The following DPH7 variants were observed in gnomAD, a reference collection of about 807,000 sequenced individuals.
DPH7 encodes diphthine methyltransferase.
Under a neutral mutation model 41.7 loss-of-function variants are expected in DPH7, and 44 were observed. The observed-to-expected ratio is 1.05, with a 90% confidence interval of 0.83 to 1.36. The LOEUF is 1.36. Among genes scored for constraint, DPH7 ranks in the 40% most tolerant of loss-of-function variants. The pLI is 0.00. For synonymous variants in DPH7, 275 were observed against 238.0 expected (o/e 1.16, Z -1.43); for missense variants, 629 against 577.5 (o/e 1.09, Z -0.91).
At chr9:137,562,522 T>C (rs1838805391) in intron 8 of DPH7, among the ~76,000 whole-genome samples, 1 of 152,120 alleles carries the variant, frequency 6.6e-6, no homozygotes, top group South Asian at 2.1e-4. Flanking sequence ...AAAATAAAAA[T>C]ACAACATACC....
At chr9:137,564,375 G>C in intron 8 of DPH7, 59 bp downstream of exon 8, 2 of 1,559,220 alleles carry the variant, frequency 1.3e-6, no homozygotes, top group Non-Finnish European at 1.7e-6. Flanking sequence ...CCAGCAGAGC[G>C]AGGGGGCAGG....
chr9:137,570,738 GCTGGCTA>G (rs1003094321), intron 5 of DPH7, among the ~76,000 whole-genome samples: 7 of 152,048 alleles, frequency 4.6e-5, no homozygotes, highest in African/African-American at 1.4e-4. Context: ...TCCTAACCAT[GCTGGCTA>G]CTGGCTACTC....
At chr9:137,571,501 T>C (rs1840427520) in intron 5 of DPH7, among the ~76,000 whole-genome samples, 1 of 152,056 alleles carries the variant, frequency 6.6e-6, no homozygotes, top group African/African-American at 2.4e-5. Context: ...AATAATTTTT[T>C]TAAGAAGGCT....
Position 137,578,870 on chromosome 9 carries a change from C to G in DPH7, c.-93G>C, listed in dbSNP as rs1444381264. On this transcript the variant is annotated 5_prime_UTR_variant, in exon 1 of 9. Coordinates refer to ENST00000277540, the MANE Select transcript of DPH7 (RefSeq NM_138778.5). ...GCGGGGCGGCGAGGCCGGGGCCGGC[C>G]GGACGAGCGCAGAGCCCCAGGGACA... 7 of 1,276,604 alleles carry G rather than the reference C, an allele frequency of 5.5e-6. No individual in the cohort carries two copies. Among genetic ancestry groups the G allele is most frequent in the Admixed American group, 4.2e-5 (1 of 23,774 alleles). 79.1% of individuals were successfully genotyped at this position (1,276,604 alleles called of 1,614,324 possible).
intron 3 of DPH7, chr9:137,575,079 G>A (rs369039157): frequency 7.7e-7 from 1 of 1,299,408 alleles, no homozygotes; most frequent in Non-Finnish European, 9.8e-7. Flanking sequence ...TTTCCCACAG[G>A]CTTGATCTTG....
chr9:137,573,730 G>A (rs993030180), intron 5 of DPH7, among the ~76,000 whole-genome samples: 3 of 141,294 alleles, frequency 2.1e-5, no homozygotes, highest in Admixed American at 7.2e-5. Flanking sequence ...AGTGATGAGC[G>A]CCAACTATAG....
intron 8 of DPH7, 99 bp from the exon 9 acceptor site, chr9:137,555,747 A>G: frequency 2.2e-6 from 3 of 1,350,062 alleles, no homozygotes; most frequent in Non-Finnish European, 3.0e-6. Flanking sequence ...ACAGCCCCTC[A>G]CAGGTCAGCA....
intron 8 of DPH7, among the ~76,000 whole-genome samples, chr9:137,564,018 G>A (rs1008188662): frequency 6.6e-6 from 1 of 152,196 alleles, no homozygotes; most frequent in African/African-American, 2.4e-5. Context: ...GTGTGAGAAA[G>A]GGATGAAGGG....
chr9:137,563,739 G>A (rs1839042304), intron 8 of DPH7, among the ~76,000 whole-genome samples: 1 of 152,046 alleles, frequency 6.6e-6, no homozygotes, highest in Non-Finnish European at 1.5e-5. Flanking sequence ...TATTTTTGGA[G>A]TGAGGGGAGA....
chr9:137,555,797 A>G (rs1265205155), intron 8 of DPH7, 149 bp from the exon 9 acceptor site: 1 of 862,776 alleles, frequency 1.2e-6, no homozygotes, highest in Non-Finnish European at 1.7e-6. Context: ...CAAAGGAACC[A>G]GCAAGACCTG....
At chr9:137,575,565 G>A (rs1841235780) in intron 3 of DPH7, 2 of 994,928 alleles carry the variant, frequency 2.0e-6, no homozygotes, top group African/African-American at 3.5e-5. Context: ...GCATCGGAGT[G>A]AGGGCGTGGT....
intron 6 of DPH7, 57 bp from the exon 7 acceptor site, chr9:137,565,015 C>T (rs755098362): frequency 1.6e-5 from 25 of 1,608,330 alleles, no homozygotes; most frequent in Non-Finnish European, 1.9e-5. Context: ...ACCCAGGGAA[C>T]GGGAGGGCTG....
intron 2 of DPH7, among the ~76,000 whole-genome samples, chr9:137,576,554 A>T (rs1257825943): frequency 3.3e-5 from 5 of 152,338 alleles, no homozygotes; most frequent in Admixed American, 3.3e-4. Context: ...CCTGAGCAAC[A>T]TAGCAAGACC....
chr9:137,555,516 C>T lies in DPH7; in HGVS notation c.1082G>A (p.Gly361Glu). Reference protein sequence around the residue: ...APSWSFPSNLGTKTADLKGAS... With the variant: ...APSWSFPSNLETKTADLKGAS... Reference sequence around the variant, plus strand: ...ACCCTTCAGGTCTGCCGTCTTGGTTCCTAGGTTGCTAGGAAAGGACCACGA... The same window carrying T: ...ACCCTTCAGGTCTGCCGTCTTGGTTTCTAGGTTGCTAGGAAAGGACCACGA... Residue 361 changes from glycine (G) to glutamate (E), a missense_variant, in exon 9 of 9, where the codon GGA (glycine) becomes GAA (glutamate). Transcript: ENST00000277540. 1 of 1,614,126 alleles carries T rather than the reference C, an allele frequency of 6.2e-7. No individual in the cohort carries two copies. The highest frequency in any genetic ancestry group is 8.5e-7 in the Non-Finnish European group (1 of 1,180,018).
intron 1 of DPH7, 48 bp downstream of exon 1, chr9:137,578,577 C>A (rs1415678514): frequency 1.4e-6 from 2 of 1,428,824 alleles, no homozygotes; most frequent in Admixed American, 2.9e-5. Context: ...TCGGCCTCAA[C>A]CTCGTGGCCG....
At chr9:137,569,316 C>A in intron 5 of DPH7, among the ~76,000 whole-genome samples, 1 of 118,678 alleles carries the variant, frequency 8.4e-6, no homozygotes, top group Non-Finnish European at 1.8e-5. Flanking sequence ...TGCCCCCACC[C>A]ACCCCCCACC....
At chr9:137,560,375 G>C (rs55663742) in intron 8 of DPH7, among the ~76,000 whole-genome samples, 10,988 of 152,210 alleles carry the variant, frequency 0.072, 547 homozygotes, top group Middle Eastern at 0.2. Flanking sequence ...GGCAAGGACA[G>C]AAAAATAATA....
intron 8 of DPH7, among the ~76,000 whole-genome samples, chr9:137,563,668 T>G (rs992939534): frequency 1.3e-5 from 2 of 151,644 alleles, no homozygotes; most frequent in African/African-American, 4.9e-5. Context: ...AGAGAGCATG[T>G]GGGTGGCCCG....
In DPH7 at chr9:137,574,194, G is replaced by A. The variant is rs767146993; in HGVS notation, c.640+14C>T. The A allele has an allele frequency of 1.9e-6, 3 of 1,611,932 alleles. No individual in the cohort carries two copies. The highest frequency in any genetic ancestry group is 2.5e-6 in the Non-Finnish European group (3 of 1,178,344). Reference sequence around the variant, plus strand: ...AAGCCTTCCATCAGAGGTGACCGGTGGAGGAATACTGACCTGAATACACAA... The same window carrying A: ...AAGCCTTCCATCAGAGGTGACCGGTAGAGGAATACTGACCTGAATACACAA... On this transcript the variant is annotated intron_variant, in intron 5 of 8. Coordinates refer to ENST00000277540, the MANE Select transcript of DPH7 (RefSeq NM_138778.5).
Sources: allele counts gnomAD v4.1 joint callset (sites outside exome capture counted in the v4.1 genomes callset), GRCh38; gene constraint gnomAD v4.1.1; transcripts MANE v1.5; gene names NCBI Gene and HGNC (gene_info 2026-07-23, HGNC 2026-07-21).